LRRC8B: variants seen among roughly 807,000 people sequenced by gnomAD.
LRRC8B encodes leucine rich repeat containing 8 VRAC subunit B.
In LRRC8B, 23 loss-of-function variants were observed where a neutral mutation model predicts 58.8. That is an observed-to-expected ratio of 0.39 (90% CI 0.28 to 0.55). The LOEUF (loss-of-function observed/expected upper bound fraction) is 0.55. Among genes scored for constraint, LRRC8B ranks in the 20% least tolerant of loss-of-function variants. The pLI is 0.62. For synonymous variants in LRRC8B, 359 were observed against 374.1 expected (o/e 0.96, Z 0.47); for missense variants, 694 against 936.0 (o/e 0.74, Z 3.37).
chr1:89,568,980 T>C (rs1018077888), intron 3 of LRRC8B, among the ~76,000 whole-genome samples: 2 of 152,232 alleles, frequency 1.3e-5, no homozygotes, highest in African/African-American at 4.8e-5. Context: ...ACTCTGTTGC[T>C]TTCTGCAAAC....
Position 89,593,916 on chromosome 1 carries a change from C to G in LRRC8B, c.*873C>G, listed in dbSNP as rs904143129. The G allele has an allele frequency of 1.3e-5, 2 of 152,086 alleles. No individual in the cohort carries two copies. Among genetic ancestry groups the G allele is most frequent in the Non-Finnish European group, 2.9e-5 (2 of 67,998 alleles). 9.4% of individuals were successfully genotyped at this position (152,086 alleles called of 1,614,324 possible). ...CCAGCTTGCTTGAGTCTTCCTTAAC[C>G]TGGTTTTCTCTTAACACCAATGATG... On this transcript the variant is annotated 3_prime_UTR_variant, in exon 6 of 6. Transcript: ENST00000330947.
chr1:89,581,841 T>G (rs752352229), intron 4 of LRRC8B, among the ~76,000 whole-genome samples: 3 of 152,230 alleles, frequency 2.0e-5, no homozygotes, highest in African/African-American at 4.8e-5. Context: ...ACTCTAAGTT[T>G]TTTCATACTC....
chr1:89,576,055 G>T lies in LRRC8B; in HGVS notation c.-124-3536G>T, dbSNP rs1009637380. 2.6e-5 allele frequency among the ~76,000 whole-genome samples: 4 copies of T among 152,178 alleles called. No individual in the cohort carries two copies. In the East Asian group the frequency reaches 7.7e-4, roughly 29 times the overall value. On this transcript the variant is annotated intron_variant, in intron 3 of 5. Coordinates refer to ENST00000330947, the MANE Select transcript of LRRC8B (RefSeq NM_001369817.2). Reference sequence around the variant, plus strand: ...TGCAGTGCTCAGTAGGACAGAAAACGTACTGCTTCTCTTAAATGCTAGACC... The same window carrying T: ...TGCAGTGCTCAGTAGGACAGAAAACTTACTGCTTCTCTTAAATGCTAGACC...
At chr1:89,533,917 G>A (rs145309847) in intron 1 of LRRC8B, among the ~76,000 whole-genome samples, 3 of 152,220 alleles carry the variant, frequency 2.0e-5, no homozygotes, top group African/African-American at 7.2e-5. Flanking sequence ...TATACATGCT[G>A]TTGATAGGTA....
chr1:89,587,538 A>G (rs911597566), intron 5 of LRRC8B, among the ~76,000 whole-genome samples: 4 of 152,242 alleles, frequency 2.6e-5, no homozygotes, highest in Admixed American at 2.6e-4. Flanking sequence ...ATCTCAAAAA[A>G]GGAAAATAAG....
In LRRC8B at chr1:89,596,000, CAG is replaced by C. The variant is rs1655270960; in HGVS notation, c.*2959_*2960del. On this transcript the variant is annotated 3_prime_UTR_variant, in exon 6 of 6. Transcript: ENST00000330947. ...GATTAATTTTATTTGCATGCACACACAGACACACATACTTCATATATGCAAAT... is the reference window on the plus strand; with the variant it reads ...GATTAATTTTATTTGCATGCACACACACACACATACTTCATATATGCAAAT... The C allele has an allele frequency of 6.6e-6, 1 of 151,994 alleles. No homozygotes were observed. Among genetic ancestry groups the C allele is most frequent in the African/African-American group, 2.4e-5 (1 of 41,386 alleles). 9.4% of individuals were successfully genotyped at this position (151,994 alleles called of 1,614,324 possible). A position where few individuals can be genotyped will look rare whatever the true frequency, so the allele number is the denominator to read the frequency against.
chr1:89,551,866 G>A (rs1651843393), intron 1 of LRRC8B, among the ~76,000 whole-genome samples: 1 of 152,174 alleles, frequency 6.6e-6, no homozygotes, highest in Non-Finnish European at 1.5e-5. Flanking sequence ...GTGTGACACT[G>A]TTCTTAAAAC....
At chr1:89,534,319 A>C (rs1221883776) in intron 1 of LRRC8B, among the ~76,000 whole-genome samples, 1 of 152,214 alleles carries the variant, frequency 6.6e-6, no homozygotes, top group Non-Finnish European at 1.5e-5. Context: ...ATGGAAGTTA[A>C]ATTAAATACC....
At chr1:89,557,704 T>A (rs1296550342) in intron 1 of LRRC8B, among the ~76,000 whole-genome samples, 1 of 152,216 alleles carries the variant, frequency 6.6e-6, no homozygotes, top group Admixed American at 6.5e-5. Context: ...AAAATGAGAC[T>A]GTACTCAGTC....
At chr1:89,557,287 A>G (rs183223499) in intron 1 of LRRC8B, among the ~76,000 whole-genome samples, 1 of 152,114 alleles carries the variant, frequency 6.6e-6, no homozygotes, top group Admixed American at 6.6e-5. Context: ...AACACTTGCT[A>G]TTTTGTTTCC....
At chr1:89,589,845 G>C (rs1473003600) in intron 5 of LRRC8B, among the ~76,000 whole-genome samples, 1 of 151,414 alleles carries the variant, frequency 6.6e-6, no homozygotes, top group Non-Finnish European at 1.5e-5. Flanking sequence ...AAAAGCCAGG[G>C]GTATTTAATT....
intron 1 of LRRC8B, among the ~76,000 whole-genome samples, chr1:89,544,391 T>C (rs1405923764): frequency 3.3e-5 from 5 of 152,220 alleles, no homozygotes; most frequent in African/African-American, 9.6e-5. Flanking sequence ...GAATGTTCTC[T>C]GTGTATTTCT....
At chr1:89,555,707 C>G (rs1652137106) in intron 1 of LRRC8B, among the ~76,000 whole-genome samples, 1 of 152,190 alleles carries the variant, frequency 6.6e-6, no homozygotes, top group Non-Finnish European at 1.5e-5. Flanking sequence ...TAGTCATTGA[C>G]TCAGGGCATC....
Position 89,582,935 on chromosome 1 carries a change from T to C in LRRC8B, c.285T>C (p.Asn95=). Residue 95 remains asparagine (N), a synonymous_variant, in exon 5 of 6, where the codon AAT becomes AAC. Transcript: ENST00000330947. The part of the protein sequence containing the change: ...TPLPLPLRIQ[N]DLHRQQYSYI... ...TTCCGCTCCCCCTCCGAATTCAGAA[T>C]GACCTCCACCGACAGCAGTACTCCT... 1 of 1,614,174 alleles carries C rather than the reference T, an allele frequency of 6.2e-7. No individual in the cohort carries two copies. The highest frequency in any genetic ancestry group is 1.1e-5 in the South Asian group (1 of 91,080).
chr1:89,539,766 G>A (rs1356349215), intron 1 of LRRC8B, among the ~76,000 whole-genome samples: 1 of 152,032 alleles, frequency 6.6e-6, no homozygotes, highest in African/African-American at 2.4e-5. Context: ...TTATCAGCTA[G>A]GTTTCTCCCA....
chr1:89,589,834 A>G (rs1306476690), intron 5 of LRRC8B, among the ~76,000 whole-genome samples: 1 of 151,920 alleles, frequency 6.6e-6, no homozygotes, highest in African/African-American at 2.4e-5. Context: ...AGCCTCTGGG[A>G]AAAAGCCAGG....
intron 1 of LRRC8B, among the ~76,000 whole-genome samples, chr1:89,540,807 T>G (rs1290812861): frequency 2.6e-5 from 4 of 152,144 alleles, no homozygotes; most frequent in African/African-American, 9.7e-5. Flanking sequence ...TGGGATGAAG[T>G]AGAGGAGACT....
intron 1 of LRRC8B, among the ~76,000 whole-genome samples, chr1:89,547,499 T>G (rs979786236): frequency 2.0e-5 from 3 of 152,212 alleles, no homozygotes; most frequent in African/African-American, 7.2e-5. Context: ...AATAAAATGT[T>G]AAAACAGCAA....
intron 3 of LRRC8B, among the ~76,000 whole-genome samples, chr1:89,571,462 G>A (rs1181667897): frequency 6.6e-6 from 1 of 152,092 alleles, no homozygotes; most frequent in Non-Finnish European, 1.5e-5. Context: ...TGTGCCAGTT[G>A]TAAATGGGAG....
Sources: allele counts gnomAD v4.1 joint callset (sites outside exome capture counted in the v4.1 genomes callset), GRCh38; gene constraint gnomAD v4.1.1; transcripts MANE v1.5; gene names NCBI Gene and HGNC (gene_info 2026-07-23, HGNC 2026-07-21).